Variants in KCNIP1 observed in about 807,000 individuals in gnomAD.
The protein encoded by KCNIP1 is A-type potassium channel modulatory protein KCNIP1.
KCNIP1 carries 18 observed loss-of-function variants against 33.0 expected under a neutral mutation model. The observed-to-expected ratio is 0.55, with a 90% CI of 0.38 to 0.81. The LOEUF (loss-of-function observed/expected upper bound fraction) is 0.81. Ranked by LOEUF, KCNIP1 falls within the 30% of genes least tolerant of loss-of-function variation. The pLI is 0.00. For synonymous variants in KCNIP1, 93 were observed against 98.3 expected, an observed-to-expected ratio of 0.95 and a Z score of 0.32; for missense variants, 238 against 271.6, an observed-to-expected ratio of 0.88 and a Z score of 0.87.
intron 1 of KCNIP1, among the ~76,000 whole-genome samples, chr5:170,357,362 T>C (rs916840074): frequency 7.2e-5 from 11 of 152,216 alleles, no homozygotes; most frequent in Admixed American, 3.3e-4. Flanking sequence ...GTAGTGTTGA[T>C]GGATATGACT....
At chr5:170,542,942 T>G (rs1756267800) in intron 1 of KCNIP1, among the ~76,000 whole-genome samples, 1 of 152,200 alleles carries the variant, frequency 6.6e-6, no homozygotes, top group African/African-American at 2.4e-5. Context: ...ATAACAGAAA[T>G]GTATTGCAAA....
chr5:170,470,085 C>A (rs1439661314), intron 1 of KCNIP1, among the ~76,000 whole-genome samples: 1 of 152,140 alleles, frequency 6.6e-6, no homozygotes, highest in Non-Finnish European at 1.5e-5. Context: ...TGAGCTGTCG[C>A]CCCATTCCTA....
rs73313406 is a variant in KCNIP1 at position 170,492,691 on chromosome 5, C to T, written c.88+138727C>T. The stretch of plus-strand genomic sequence containing the variant: ...AAGATGCTCCTATACCCTCATCACT[C>T]GGGAAACTCCAAGGGTTTTAGGGGC... On this transcript the variant is annotated intron_variant, in intron 1 of 7. Coordinates refer to the KCNIP1 transcript ENST00000377360. 2.3e-3 allele frequency among the ~76,000 whole-genome samples: 344 copies of T among 152,260 alleles called. 1 individual carries two copies. The highest frequency in any genetic ancestry group is 7.8e-3 in the African/African-American group (326 of 41,546).
At chr5:170,432,111 C>T (rs1755757534) in intron 1 of KCNIP1, among the ~76,000 whole-genome samples, 1 of 151,182 alleles carries the variant, frequency 6.6e-6, no homozygotes, top group Admixed American at 6.6e-5. Context: ...GCTGGTTTCT[C>T]TTTAAAAGTA....
At chr5:170,590,094 G>T (rs1758190774) in intron 1 of KCNIP1, among the ~76,000 whole-genome samples, 1 of 152,136 alleles carries the variant, frequency 6.6e-6, no homozygotes, top group Non-Finnish European at 1.5e-5. Context: ...GCGCATGGCC[G>T]ATCATAGGTA....
chr5:170,474,127 A>G (rs2087542764), intron 1 of KCNIP1, among the ~76,000 whole-genome samples: 1 of 152,230 alleles, frequency 6.6e-6, no homozygotes, highest in Non-Finnish European at 1.5e-5. Flanking sequence ...ATTTACATCT[A>G]TAAAGGAAAT....
intron 1 of KCNIP1, among the ~76,000 whole-genome samples, chr5:170,451,755 G>GTGTGTGTGTGTGTA (rs1554093578): frequency 3.7e-4 from 56 of 151,464 alleles, no homozygotes; most frequent in African/African-American, 1.4e-3. Flanking sequence ...GTGTGTGTGT[G>GTGTGTGTGTGTGTA]TGTGTGTGTG....
At chr5:170,597,965 A>G (rs1758525544) in intron 1 of KCNIP1, among the ~76,000 whole-genome samples, 1 of 152,196 alleles carries the variant, frequency 6.6e-6, no homozygotes, top group African/African-American at 2.4e-5. Context: ...ATTGCTGGAA[A>G]GGGCCCCAGC....
At chr5:170,641,706 T>G (rs536452542) in intron 1 of KCNIP1, among the ~76,000 whole-genome samples, 3 of 152,230 alleles carry the variant, frequency 2.0e-5, no homozygotes, top group African/African-American at 7.2e-5. Context: ...CCGGCTCCAT[T>G]GTCTGTGCAT....
chr5:170,645,353 A>C (rs1760743218), intron 1 of KCNIP1, among the ~76,000 whole-genome samples: 1 of 152,248 alleles, frequency 6.6e-6, no homozygotes, highest in Non-Finnish European at 1.5e-5. Flanking sequence ...GAGCAGACTT[A>C]AGGAACATTG....
At chr5:170,630,387 T>G (rs1760010926) in intron 1 of KCNIP1, among the ~76,000 whole-genome samples, 1 of 152,184 alleles carries the variant, frequency 6.6e-6, no homozygotes, top group African/African-American at 2.4e-5. Flanking sequence ...ACAAGAGCAA[T>G]GAACTCAATG....
chr5:170,383,725 C>A lies in KCNIP1; in HGVS notation c.88+29761C>A, dbSNP rs1442520418. ...GTCCTCCGTGTGGTACAGCACAGCC[C>A]ACCTGCCGGCAGCTGACACGTTGAC... is the stretch of plus-strand genomic sequence containing the variant. On this transcript the variant is annotated intron_variant, in intron 1 of 7. Transcript: ENST00000377360. The A allele has an allele frequency of 5.0e-6, 8 of 1,614,160 alleles. No homozygotes were observed. In the Admixed American group the frequency reaches 1.3e-4, roughly 27 times the overall value.
At chr5:170,636,705 A>G (rs1033264506) in intron 1 of KCNIP1, among the ~76,000 whole-genome samples, 2 of 152,184 alleles carry the variant, frequency 1.3e-5, no homozygotes, top group Admixed American at 6.5e-5. Flanking sequence ...TAAAACAAGC[A>G]TAGAAACCAG....
At chr5:170,622,143 A>G (rs1011964606) in intron 1 of KCNIP1, among the ~76,000 whole-genome samples, 44 of 152,228 alleles carry the variant, frequency 2.9e-4, no homozygotes, top group African/African-American at 1.1e-3. Flanking sequence ...TGTGTTCTCA[A>G]TCAAGATTCC....
intron 1 of KCNIP1, among the ~76,000 whole-genome samples, chr5:170,539,340 C>G (rs1756110919): frequency 6.6e-6 from 1 of 152,188 alleles, no homozygotes; most frequent in Non-Finnish European, 1.5e-5. Flanking sequence ...ACACTCCCAA[C>G]CACAGACTTC....
intron 1 of KCNIP1, among the ~76,000 whole-genome samples, chr5:170,444,790 T>C (rs185912198): frequency 4.1e-4 from 62 of 152,138 alleles, no homozygotes; most frequent in Non-Finnish European, 7.4e-4. Context: ...AGGATAGTTA[T>C]GTGATTATCT....
At chr5:170,377,022 G>A (rs1197787482) in intron 1 of KCNIP1, 2 of 152,156 alleles carry the variant, frequency 1.3e-5, no homozygotes, top group Non-Finnish European at 2.9e-5. Context: ...GAATCAAAGA[G>A]ATGAAATCGG....
intron 1 of KCNIP1, among the ~76,000 whole-genome samples, chr5:170,456,193 G>C (rs1250832274): frequency 6.6e-6 from 1 of 152,124 alleles, no homozygotes. Context: ...ATCATTCTCA[G>C]CAAACTGACA....
At chr5:170,383,425 T>C in intron 1 of KCNIP1, 2 of 605,782 alleles carry the variant, frequency 3.3e-6, no homozygotes, top group Non-Finnish European at 5.9e-6. Flanking sequence ...CATTCCACTT[T>C]ACAAGGGTGG....
Sources: allele counts gnomAD v4.1 joint callset (sites outside exome capture counted in the v4.1 genomes callset), GRCh38; gene constraint gnomAD v4.1.1; transcripts MANE v1.5; gene names NCBI Gene and HGNC (gene_info 2026-07-23, HGNC 2026-07-21).